The following GTF2B variants were observed in gnomAD, a reference collection of about 807,000 sequenced individuals.
GTF2B encodes transcription initiation factor IIB.
GTF2B carries 20 observed loss-of-function variants against 34.6 expected under a neutral mutation model. The observed-to-expected ratio is 0.58, with a 90% CI of 0.41 to 0.84. GTF2B has a LOEUF of 0.84. Ranked by LOEUF, GTF2B falls within the 40% of genes least tolerant of loss-of-function variation. The pLI, the probability that GTF2B is intolerant of heterozygous loss-of-function variation, is 0.00. For synonymous variants in GTF2B, 142 were observed against 132.4 expected, an observed-to-expected ratio of 1.07 and a Z score of -0.50; for missense variants, 237 against 393.3, an observed-to-expected ratio of 0.60 and a Z score of 3.36.
intron 6 of GTF2B, among the ~76,000 whole-genome samples, 184 bp from the exon 7 acceptor site, chr1:88,853,530 C>T (rs1447482582): frequency 1.3e-5 from 2 of 152,170 alleles, no homozygotes; most frequent in Admixed American, 6.5e-5. Context: ...CTAGGCCGGG[C>T]GCAGTGGCTC....
At chr1:88,883,068 A>AC (rs1166008856) in intron 2 of GTF2B, among the ~76,000 whole-genome samples, 2 of 152,248 alleles carry the variant, frequency 1.3e-5, no homozygotes, top group Non-Finnish European at 2.9e-5. Context: ...GGAAGTATAT[A>AC]AAGTATATAA....
intron 5 of GTF2B, 54 bp downstream of exon 5, chr1:88,859,828 C>T: frequency 1.3e-6 from 2 of 1,527,304 alleles, no homozygotes; most frequent in Non-Finnish European, 1.8e-6. Context: ...AAAGTGAGAC[C>T]CTATCTCAAA....
Position 88,891,559 on chromosome 1 carries a change from G to C in GTF2B, c.-60C>G, listed in dbSNP as rs41288365. 9.7e-5 allele frequency: 145 copies of C among 1,499,152 alleles called. 1 individual carries two copies. In the South Asian group the frequency reaches 1.7e-3, roughly 17 times the overall value. The allele number at this position is 1,499,152 out of a possible 1,614,324, so 92.9% of individuals were successfully genotyped here. A position where few individuals can be genotyped will look rare whatever the true frequency, so the allele number is the denominator to read the frequency against. On this transcript the variant is annotated 5_prime_UTR_variant, in exon 1 of 7. Transcript: ENST00000370500. ...AACAGACACACCGAAAGCAGGAAGC[G>C]AATGTGGCGAAGAGACGCGCAGAGA...
At chr1:88,860,728 G>T (rs1673414343) in intron 3 of GTF2B, among the ~76,000 whole-genome samples, 2 of 152,020 alleles carry the variant, frequency 1.3e-5, no homozygotes, top group African/African-American at 4.8e-5. Context: ...CGCTAAAAAG[G>T]CAAATGAACA....
chr1:88,885,894 G>A (rs868097873), intron 2 of GTF2B, among the ~76,000 whole-genome samples: 18 of 151,850 alleles, frequency 1.2e-4, no homozygotes, highest in African/African-American at 4.1e-4. Flanking sequence ...GTACTTTGAC[G>A]ACCCCAGATT....
Position 88,860,134 on chromosome 1 carries a change from A to G in GTF2B, c.405+6T>C. ...AATGGCTTAAAGGAGGTAGACAAGA[A>G]CTTACAACTATATTTCGAGGTAGAT... On this transcript the variant is annotated splice_donor_region_variant and intron_variant, in intron 4 of 6. Coordinates refer to ENST00000370500, the MANE Select transcript of GTF2B (RefSeq NM_001514.6). The G allele has an allele frequency of 6.2e-7, 1 of 1,613,998 alleles. No homozygotes were observed. Among genetic ancestry groups the G allele is most frequent in the Non-Finnish European group, 8.5e-7 (1 of 1,179,910 alleles).
intron 2 of GTF2B, 58 bp downstream of exon 2, chr1:88,887,203 G>A: frequency 9.1e-7 from 1 of 1,102,962 alleles, no homozygotes; most frequent in Non-Finnish European, 1.4e-6. Flanking sequence ...ACAGGCGTGA[G>A]CCACCATGCT....
intron 2 of GTF2B, among the ~76,000 whole-genome samples, chr1:88,879,648 A>C (rs957306364): frequency 1.3e-5 from 2 of 152,010 alleles, no homozygotes; most frequent in African/African-American, 4.8e-5. Flanking sequence ...AGAGGGTGAC[A>C]TATGGCTCTG....
chr1:88,884,212 G>A (rs1674014022), intron 2 of GTF2B, among the ~76,000 whole-genome samples: 1 of 152,002 alleles, frequency 6.6e-6, no homozygotes, highest in Non-Finnish European at 1.5e-5. Flanking sequence ...ATTTTTAGTA[G>A]AGATGGAGTT....
chr1:88,869,520 G>A (rs1673638996), intron 2 of GTF2B, among the ~76,000 whole-genome samples: 1 of 151,940 alleles, frequency 6.6e-6, no homozygotes, highest in South Asian at 2.1e-4. Context: ...CATACTATAT[G>A]ATTTCATTCA....
chr1:88,883,381 G>A (rs776144563), intron 2 of GTF2B, among the ~76,000 whole-genome samples: 1 of 152,124 alleles, frequency 6.6e-6, no homozygotes, highest in African/African-American at 2.4e-5. Context: ...CACCCTAACA[G>A]TATTTTGTTA....
chr1:88,853,127 A>C lies in GTF2B; in HGVS notation c.*86T>G, dbSNP rs1368914949. The C allele has an allele frequency of 1.9e-5, 24 of 1,265,042 alleles. No homozygotes were observed. The highest frequency in any genetic ancestry group is 5.1e-5 in the Admixed American group (3 of 58,746). 78.4% of individuals were successfully genotyped at this position (1,265,042 alleles called of 1,614,324 possible). Reference sequence around the variant, plus strand: ...CGTACCATGTCTTTTGTTTTTCCTCATGAAAGGCTCAACCCAGCATTTTGT... The same window carrying C: ...CGTACCATGTCTTTTGTTTTTCCTCCTGAAAGGCTCAACCCAGCATTTTGT... On this transcript the variant is annotated 3_prime_UTR_variant, in exon 7 of 7. Transcript: ENST00000370500.
Position 88,857,220 on chromosome 1 carries a change from T to C in GTF2B, c.803A>G (p.Lys268Arg). ...ACGAACCCTACCTTTTTGGGTCCTCTTTTCAGCTGATGCCTGTGAGGCCAT... is the reference window on the plus strand; with the variant it reads ...ACGAACCCTACCTTTTTGGGTCCTCCTTTCAGCTGATGCCTGTGAGGCCAT... ...IYMASQASAE[K>R]RTQKEIGDIA... The change falls in exon 6 of 7, where the codon AAG (lysine) becomes AGG (arginine). Residue 268 changes from lysine (K) to arginine (R), a missense_variant. Lys to Arg is a conservative substitution (Grantham distance 26). Transcript: ENST00000370500. 6.2e-7 allele frequency: 1 copy of C among 1,611,430 alleles called. No homozygotes were observed. Among genetic ancestry groups the C allele is most frequent in the Non-Finnish European group, 8.5e-7 (1 of 1,178,990 alleles).
At chr1:88,869,284 C>T (rs935412275) in intron 2 of GTF2B, among the ~76,000 whole-genome samples, 3 of 152,078 alleles carry the variant, frequency 2.0e-5, no homozygotes, top group Non-Finnish European at 4.4e-5. Flanking sequence ...AGAGCATCTG[C>T]AAATTTTGGT....
chr1:88,863,221 T>G (rs901166225), intron 3 of GTF2B, among the ~76,000 whole-genome samples: 1 of 152,222 alleles, frequency 6.6e-6, no homozygotes, highest in African/African-American at 2.4e-5. Flanking sequence ...CTATAAGTAC[T>G]CTTATTCTCA....
At chr1:88,876,029 A>T (rs930858223) in intron 2 of GTF2B, among the ~76,000 whole-genome samples, 1 of 148,494 alleles carries the variant, frequency 6.7e-6, no homozygotes, top group African/African-American at 2.5e-5. Context: ...GTTAATGAGT[A>T]ATTTTTTGAT....
At chr1:88,867,834 A>G (rs1401250340) in intron 2 of GTF2B, among the ~76,000 whole-genome samples, 1 of 152,206 alleles carries the variant, frequency 6.6e-6, no homozygotes, top group Non-Finnish European at 1.5e-5. Flanking sequence ...GTAGTATAGT[A>G]TAAATAGAAA....
At chr1:88,861,606 G>A (rs904021452) in intron 3 of GTF2B, among the ~76,000 whole-genome samples, 1 of 152,230 alleles carries the variant, frequency 6.6e-6, no homozygotes, top group Non-Finnish European at 1.5e-5. Flanking sequence ...GGAGGTTGCA[G>A]TGAGCAGAGA....
intron 6 of GTF2B, among the ~76,000 whole-genome samples, chr1:88,856,291 C>CAAAA (rs1162915523): frequency 2.3e-5 from 2 of 86,146 alleles, no homozygotes; most frequent in Non-Finnish European, 4.3e-5. Flanking sequence ...AAAAAAAAAA[C>CAAAA]AAAAAAAAAA....
Sources: gnomAD v4.1 joint callset for allele counts (sites outside exome capture counted in the v4.1 genomes callset) on GRCh38, gnomAD v4.1.1 for gene constraint, MANE v1.5 for transcripts, NCBI Gene and HGNC (gene_info 2026-07-23, HGNC 2026-07-21) for gene names.